Variants in ZC3H7A observed in about 807,000 individuals in gnomAD.
The protein encoded by ZC3H7A is zinc finger CCCH domain-containing protein 7A.
A neutral mutation model predicts 125.5 loss-of-function variants in ZC3H7A; 44 were observed. The ratio of observed to expected loss-of-function variants is 0.35; its 90% CI spans 0.28 to 0.45. The LOEUF (loss-of-function observed/expected upper bound fraction) is 0.45. Among genes scored for constraint, ZC3H7A ranks in the 20% least tolerant of loss-of-function variants. The pLI is 1.00. For synonymous variants in ZC3H7A, 399 were observed against 391.2 expected, an observed-to-expected ratio of 1.02 and a Z score of -0.23; for missense variants, 977 against 1,170.7, an observed-to-expected ratio of 0.83 and a Z score of 2.41.
chr16:11,768,470 T>C lies in ZC3H7A; in HGVS notation c.1205A>G (p.Glu402Gly), dbSNP rs2052903917. ...CTGACTTGAAATTCCCAGGAAATTC[T>C]CTGAAGCAAACAAACTACCTGGTCC... The part of the protein sequence containing the change: ...MNGPGSLFAS[E>G]NFLGISSQPR... Residue 402 changes from glutamate to glycine, a missense_variant, in exon 12 of 23, where the codon GAG becomes GGG. By Grantham distance (98) the Glu-to-Gly change is moderately conservative (BLOSUM62 -2). Transcript: ENST00000355758. 2.7e-6 allele frequency: 4 copies of C among 1,504,674 alleles called. No homozygotes were observed. Among genetic ancestry groups the C allele is most frequent in the Non-Finnish European group, 3.6e-6 (4 of 1,113,560 alleles). The allele number at this position is 1,504,674 out of a possible 1,614,324, so 93.2% of individuals were successfully genotyped here. A position where few individuals can be genotyped will look rare whatever the true frequency, so the allele number is the denominator to read the frequency against.
intron 13 of ZC3H7A, among the ~76,000 whole-genome samples, chr16:11,766,881 T>A (rs2052868683): frequency 6.6e-6 from 1 of 152,012 alleles, no homozygotes; most frequent in African/African-American, 2.4e-5. Context: ...AGACTCTGTC[T>A]CAAAAAAGAA....
At position 11,763,618 on chromosome 16, in the gene ZC3H7A, G is replaced by C. The variant is rs1341749623; in HGVS notation, c.1862C>G (p.Ser621Cys). Residue 621 changes from serine to cysteine, a missense_variant, in exon 16 of 23, where the codon TCC (serine) becomes TGC (cysteine). Physicochemically the swap from Ser to Cys is moderately radical, Grantham distance 112. Coordinates refer to ENST00000355758, the MANE Select transcript of ZC3H7A (RefSeq NM_014153.4). Reference protein sequence around the residue: ...HILRETTVKYSKIRSFHGQCQ... With the variant: ...HILRETTVKYCKIRSFHGQCQ... ...CTGACCATGAAAAGAACGTATTTTG[G>C]AGTATTTTACTGTTGTCTCTCGCAA... The C allele has an allele frequency of 1.9e-6, 3 of 1,605,838 alleles. No homozygotes were observed. In the East Asian group the frequency reaches 6.7e-5, roughly 36 times the overall value.
At chr16:11,784,725 A>G (rs938302042) in intron 1 of ZC3H7A, among the ~76,000 whole-genome samples, 3 of 152,134 alleles carry the variant, frequency 2.0e-5, no homozygotes, top group Non-Finnish European at 4.4e-5. Flanking sequence ...ATGGTGGTGC[A>G]TGCCTGTAAT....
In ZC3H7A at chr16:11,776,212, A is replaced by G. The variant is rs539690111; in HGVS notation, c.585+108T>C. The G allele has an allele frequency of 1.5e-4, 163 of 1,091,446 alleles. No individual in the cohort carries two copies. In the African/African-American group the frequency reaches 2.4e-3, roughly 16 times the overall value. The allele number at this position is 1,091,446 out of a possible 1,614,324, so 67.6% of individuals were successfully genotyped here. Reference sequence around the variant, plus strand: ...GTATTGCCAATTACGTGTTTGAGGAATTAAAAAGGTTCCAAAAATAAACAC... The same window carrying G: ...GTATTGCCAATTACGTGTTTGAGGAGTTAAAAAGGTTCCAAAAATAAACAC... On this transcript the variant is annotated intron_variant, in intron 7 of 22. Coordinates refer to ENST00000355758, the MANE Select transcript of ZC3H7A (RefSeq NM_014153.4).
At position 11,761,919 on chromosome 16, in the gene ZC3H7A, GC is replaced by G. The variant is rs1384269596; in HGVS notation, c.2203del (p.Ala735GlnfsTer12). On this transcript the variant is annotated frameshift_variant, in exon 18 of 23. Coordinates refer to ENST00000355758, the MANE Select transcript of ZC3H7A (RefSeq NM_014153.4). LOFTEE classifies it high-confidence loss of function. ...CACACACAATACTTACGAATGCCTTGCTTTTGCACTACAATATTTTCTGTTT... is the reference window on the plus strand; with the variant it reads ...CACACACAATACTTACGAATGCCTTGTTTTGCACTACAATATTTTCTGTTT... ...DKNRKYCSAK[A>X]RHSWTKDRRA... The G allele has an allele frequency of 6.2e-7, 1 of 1,612,088 alleles. No homozygotes were observed. Among genetic ancestry groups the G allele is most frequent in the Non-Finnish European group, 8.5e-7 (1 of 1,179,594 alleles).
chr16:11,760,446 A>G (rs567561356), intron 19 of ZC3H7A, among the ~76,000 whole-genome samples: 1 of 152,352 alleles, frequency 6.6e-6, no homozygotes, highest in African/African-American at 2.4e-5. Context: ...ATAAAACACA[A>G]ACCTACCAAC....
chr16:11,761,003 G>C (rs2052743876), intron 19 of ZC3H7A, among the ~76,000 whole-genome samples: 1 of 152,292 alleles, frequency 6.6e-6, no homozygotes, highest in Non-Finnish European at 1.5e-5. Flanking sequence ...TGCAGTGAAA[G>C]AGACAAGGCA....
chr16:11,794,193 A>G, intron 1 of ZC3H7A, among the ~76,000 whole-genome samples: 1 of 152,202 alleles, frequency 6.6e-6, no homozygotes, highest in East Asian at 1.9e-4. Flanking sequence ...CCAGCCGATG[A>G]AGTCTTCCCA....
intron 2 of ZC3H7A, 130 bp from the exon 3 acceptor site, chr16:11,781,594 C>T: frequency 1.4e-6 from 1 of 737,054 alleles, no homozygotes; most frequent in Middle Eastern, 3.3e-4. Context: ...AGACTTCCTC[C>T]TCCTTTACTA....
At chr16:11,791,612 C>G (rs950320183) in intron 1 of ZC3H7A, among the ~76,000 whole-genome samples, 4 of 152,174 alleles carry the variant, frequency 2.6e-5, no homozygotes, top group Admixed American at 2.0e-4. Flanking sequence ...ATGCCTCATA[C>G]AAAGTTCAGA....
Position 11,751,461 on chromosome 16 carries a change from T to C in ZC3H7A, c.2772A>G (p.Ala924=). 1 of 1,614,102 alleles carries C rather than the reference T, an allele frequency of 6.2e-7. No homozygotes were observed. Among genetic ancestry groups the C allele is most frequent in the East Asian group, 2.2e-5 (1 of 44,890 alleles). ...ATTCATGAAGTTCGGCATTTCCATG[T>C]GCAAATTTACAGCTGTTTCCTTCTG... ...TCPEGNSCKF[A]HGNAELHEWE... The change falls in exon 23 of 23, where the codon GCA becomes GCG. Residue 924 remains alanine, a synonymous_variant. Coordinates refer to ENST00000355758, the MANE Select transcript of ZC3H7A (RefSeq NM_014153.4).
At chr16:11,791,141 T>C (rs576820501) in intron 1 of ZC3H7A, among the ~76,000 whole-genome samples, 1 of 143,946 alleles carries the variant, frequency 6.9e-6, no homozygotes, top group African/African-American at 2.7e-5. Context: ...ATCCCAATGC[T>C]TGCACTCTGC....
In ZC3H7A at chr16:11,770,925, C is replaced by G; in HGVS notation, c.966G>C (p.Ser322=). Residue 322 remains serine, a synonymous_variant, in exon 10 of 23, where the codon TCG becomes TCC. Coordinates refer to ENST00000355758, the MANE Select transcript of ZC3H7A (RefSeq NM_014153.4). ...TGGGTAAGGTTCCTAACAGCGATGC[C>G]GAAAAGGGCATGCTAGGAGAGACAC... The part of the protein sequence containing the change: ...TASVSPSMPF[S]ASLLGTLPIG... 1 of 1,613,912 alleles carries G rather than the reference C, an allele frequency of 6.2e-7. No individual in the cohort carries two copies. The highest frequency in any genetic ancestry group is 8.5e-7 in the Non-Finnish European group (1 of 1,179,920).
chr16:11,794,546 AAAAAC>A (rs749568086), intron 1 of ZC3H7A, among the ~76,000 whole-genome samples: 11 of 152,204 alleles, frequency 7.2e-5, no homozygotes, highest in Non-Finnish European at 1.3e-4. Context: ...TCACTAGAAA[AAAAAC>A]AAAACAAAAC....
At chr16:11,752,208 T>C (rs558457521) in intron 22 of ZC3H7A, among the ~76,000 whole-genome samples, 8 of 152,312 alleles carry the variant, frequency 5.3e-5, no homozygotes, top group Admixed American at 1.3e-4. Flanking sequence ...CCCGGCTGCG[T>C]TGAAAAATTT....
Position 11,773,654 on chromosome 16 carries a change from G to A in ZC3H7A, c.903+582C>T, listed in dbSNP as rs567362459. 3.2e-3 allele frequency among the ~76,000 whole-genome samples: 480 copies of A among 151,828 alleles called. 7 individuals are homozygous for A. The highest frequency in any genetic ancestry group is 4.5e-3 in the Non-Finnish European group (307 of 67,992). The stretch of plus-strand genomic sequence containing the variant: ...TCCCAGCACTTTGGGAGGCCGAGGC[G>A]GGTGGATCACGAGGTCAGGAGATCA... On this transcript the variant is annotated intron_variant, in intron 9 of 22. Coordinates refer to ENST00000355758, the MANE Select transcript of ZC3H7A (RefSeq NM_014153.4).
At chr16:11,767,227 G>C (rs1259713665) in intron 13 of ZC3H7A, among the ~76,000 whole-genome samples, 190 bp downstream of exon 13, 3 of 152,276 alleles carry the variant, frequency 2.0e-5, no homozygotes, top group South Asian at 2.1e-4. Flanking sequence ...CAAGTCTGTA[G>C]TTTAGGAGCC....
chr16:11,778,208 G>A (rs750982899), intron 4 of ZC3H7A, among the ~76,000 whole-genome samples: 5 of 151,846 alleles, frequency 3.3e-5, no homozygotes, highest in Middle Eastern at 3.4e-3. Context: ...AGGCTGAGGC[G>A]GGCAGATTGC....
chr16:11,768,764 T>C (rs1019310165), intron 11 of ZC3H7A, among the ~76,000 whole-genome samples: 11 of 152,190 alleles, frequency 7.2e-5, no homozygotes, highest in African/African-American at 2.7e-4. Flanking sequence ...ACGCTTTACA[T>C]GCCCCGATCT....
Sources: gnomAD v4.1 joint callset for allele counts (sites outside exome capture counted in the v4.1 genomes callset) on GRCh38, gnomAD v4.1.1 for gene constraint, MANE v1.5 for transcripts, NCBI Gene and HGNC (gene_info 2026-07-23, HGNC 2026-07-21) for gene names.